The following DTNA variants were observed in gnomAD, a reference collection of about 807,000 sequenced individuals.
The protein encoded by DTNA is dystrophin-related protein 3.
In DTNA, 43 loss-of-function variants were observed where a neutral mutation model predicts 100.7. The ratio of observed to expected loss-of-function variants is 0.43; its 90% CI spans 0.33 to 0.55. DTNA has a LOEUF of 0.55. Among genes scored for constraint, DTNA ranks in the 20% least tolerant of loss-of-function variants. DTNA has a pLI of 0.04. For synonymous variants in DTNA, 349 were observed against 347.9 expected (o/e 1.00, Z -0.04); for missense variants, 798 against 953.9 (o/e 0.84, Z 2.15).
At chr18:34,562,265 C>A (rs1210153736) in intron 1 of DTNA, among the ~76,000 whole-genome samples, 2 of 152,152 alleles carry the variant, frequency 1.3e-5, no homozygotes, top group Non-Finnish European at 2.9e-5. Flanking sequence ...AAAAAACGAA[C>A]CCTGCCCCTA....
chr18:34,609,905 A>G (rs1057133157), intron 1 of DTNA, among the ~76,000 whole-genome samples: 1 of 152,194 alleles, frequency 6.6e-6, no homozygotes, highest in African/African-American at 2.4e-5. Flanking sequence ...CAAACCAATT[A>G]ATTAGCTGAG....
chr18:34,522,700 C>T lies in DTNA; in HGVS notation c.-2+29186C>T, dbSNP rs537010683. Reference sequence around the variant, plus strand: ...ACAAGTGTGGTCAAGTGCAAATAGACCCATATGTATGTTGGGTGGAAGGGC... The same window carrying T: ...ACAAGTGTGGTCAAGTGCAAATAGATCCATATGTATGTTGGGTGGAAGGGC... On this transcript the variant is annotated intron_variant, in intron 1 of 19. Coordinates refer to the DTNA transcript ENST00000283365. 5.9e-5 allele frequency among the ~76,000 whole-genome samples: 9 copies of T among 152,252 alleles called. No homozygotes were observed. In the South Asian group the frequency reaches 1.5e-3, roughly 25 times the overall value.
chr18:34,760,812 C>T (rs1034907948), intron 2 of DTNA, among the ~76,000 whole-genome samples: 2 of 152,190 alleles, frequency 1.3e-5, no homozygotes, highest in Non-Finnish European at 2.9e-5. Flanking sequence ...GGCCCAGTCA[C>T]GCACACTACT....
intron 16 of DTNA, among the ~76,000 whole-genome samples, chr18:34,860,355 C>T (rs1424525497): frequency 6.6e-6 from 1 of 151,374 alleles, no homozygotes; most frequent in African/African-American, 2.4e-5. Flanking sequence ...GCGTGAGCCA[C>T]CGCGCCCAGC....
At chr18:34,793,981 G>A in intron 3 of DTNA, 56 bp from the exon 4 acceptor site, 1 of 1,564,076 alleles carries the variant, frequency 6.4e-7, no homozygotes. Context: ...CATGTAAACT[G>A]ATGTATTTGC....
chr18:34,698,402 T>C (rs2080899562), intron 1 of DTNA, among the ~76,000 whole-genome samples: 1 of 152,340 alleles, frequency 6.6e-6, no homozygotes, highest in African/African-American at 2.4e-5. Flanking sequence ...CCTTGCCTCT[T>C]CCTAGCTTCT....
intron 1 of DTNA, among the ~76,000 whole-genome samples, chr18:34,584,609 A>G (rs995597330): frequency 6.6e-6 from 1 of 152,212 alleles, no homozygotes; most frequent in African/African-American, 2.4e-5. Flanking sequence ...GGTTAGTTTC[A>G]GAATAAAAGA....
chr18:34,759,428 A>G (rs564965213), intron 2 of DTNA, among the ~76,000 whole-genome samples: 26 of 152,312 alleles, frequency 1.7e-4, no homozygotes, highest in African/African-American at 5.5e-4. Context: ...GACCTAGGAC[A>G]TGTACCTTCA....
At chr18:34,701,966 A>G (rs1401522482) in intron 1 of DTNA, among the ~76,000 whole-genome samples, 3 of 152,148 alleles carry the variant, frequency 2.0e-5, no homozygotes, top group Non-Finnish European at 4.4e-5. Context: ...GTTATTTTAA[A>G]AACAAAAGTT....
intron 1 of DTNA, among the ~76,000 whole-genome samples, chr18:34,572,993 G>T (rs979843161): frequency 3.3e-5 from 5 of 152,100 alleles, no homozygotes; most frequent in Admixed American, 2.0e-4. Context: ...CCATAAAATA[G>T]AAATAATGAT....
At chr18:34,735,221 C>T (rs891103315) in intron 1 of DTNA, among the ~76,000 whole-genome samples, 5 of 152,110 alleles carry the variant, frequency 3.3e-5, no homozygotes, top group African/African-American at 1.2e-4. Flanking sequence ...GACAGTCTCT[C>T]CTTTTCACGT....
chr18:34,676,732 G>T (rs1000090287), intron 1 of DTNA, among the ~76,000 whole-genome samples: 25 of 152,122 alleles, frequency 1.6e-4, no homozygotes, highest in African/African-American at 6.0e-4. Flanking sequence ...CTACTCAGGA[G>T]GTTGAGATGG....
chr18:34,855,348 C>A (rs552755222), intron 15 of DTNA, among the ~76,000 whole-genome samples: 1 of 152,116 alleles, frequency 6.6e-6, no homozygotes, highest in Admixed American at 6.5e-5. Flanking sequence ...GTTGCATTTA[C>A]AAGGGATTGA....
At chr18:34,639,549 T>G (rs2059033886) in intron 1 of DTNA, among the ~76,000 whole-genome samples, 2 of 152,206 alleles carry the variant, frequency 1.3e-5, no homozygotes, top group African/African-American at 4.8e-5. Flanking sequence ...CCTCCAAGCC[T>G]TCTTCACACC....
At chr18:34,637,410 C>A (rs991387177) in intron 1 of DTNA, among the ~76,000 whole-genome samples, 3 of 152,162 alleles carry the variant, frequency 2.0e-5, no homozygotes, top group African/African-American at 7.2e-5. Flanking sequence ...AAAAATATAT[C>A]TATTTCTTCC....
chr18:34,838,283 C>A, intron 12 of DTNA, 112 bp downstream of exon 12: 1 of 1,206,144 alleles, frequency 8.3e-7, no homozygotes, highest in African/African-American at 1.5e-5. Flanking sequence ...TCAGTAAAAG[C>A]AGCTCTGCTT....
intron 11 of DTNA, among the ~76,000 whole-genome samples, chr18:34,830,464 G>GATGTCAAAA (rs1568683908): frequency 2.0e-5 from 3 of 152,030 alleles, no homozygotes; most frequent in African/African-American, 7.2e-5. Context: ...AAAGACACAG[G>GATGTCAAAA]GATATAACTT....
intron 1 of DTNA, among the ~76,000 whole-genome samples, chr18:34,597,641 G>A (rs917369475): frequency 6.6e-6 from 1 of 152,006 alleles, no homozygotes; most frequent in Non-Finnish European, 1.5e-5. Context: ...ACAAAGCCTC[G>A]ATCTGTTTCT....
At chr18:34,601,110 T>A (rs2051720628) in intron 1 of DTNA, among the ~76,000 whole-genome samples, 1 of 152,056 alleles carries the variant, frequency 6.6e-6, no homozygotes, top group South Asian at 2.1e-4. Flanking sequence ...CCAGTGGTGT[T>A]AGACAGCAAC....
Sources: allele counts gnomAD v4.1 joint callset (sites outside exome capture counted in the v4.1 genomes callset), GRCh38; gene constraint gnomAD v4.1.1; transcripts MANE v1.5; gene names NCBI Gene and HGNC (gene_info 2026-07-23, HGNC 2026-07-21).